Variants in PIK3AP1 observed in about 807,000 individuals in gnomAD.
PIK3AP1 encodes phosphoinositide 3-kinase adapter protein 1.
A neutral mutation model predicts 88.1 loss-of-function variants in PIK3AP1; 21 were observed. That is an observed-to-expected ratio of 0.24 (90% CI 0.17 to 0.34). The LOEUF (loss-of-function observed/expected upper bound fraction) is 0.34, where lower values mean the gene tolerates loss of function less well. Among genes scored for constraint, PIK3AP1 ranks in the 10% least tolerant of loss-of-function variants. The probability of loss-of-function intolerance (pLI) is 1.00; values close to 1 mark genes in which losing one functional copy is unlikely to be tolerated. For synonymous variants in PIK3AP1, 398 were observed against 400.0 expected, an observed-to-expected ratio of 1.00 and a Z score of 0.06; for missense variants, 828 against 1,035.7, an observed-to-expected ratio of 0.80 and a Z score of 2.75.
At chr10:96,714,394 G>A (rs1203300284) in intron 1 of PIK3AP1, among the ~76,000 whole-genome samples, 3 of 152,212 alleles carry the variant, frequency 2.0e-5, no homozygotes, top group Non-Finnish European at 4.4e-5. Flanking sequence ...TGCTGCCCAA[G>A]TGCACATTGT....
At chr10:96,710,150 T>C (rs1349866158) in intron 1 of PIK3AP1, among the ~76,000 whole-genome samples, 167 bp from the exon 2 acceptor site, 1 of 152,110 alleles carries the variant, frequency 6.6e-6, no homozygotes. Context: ...CTTTCCCCAT[T>C]TACAGTCTGT....
At chr10:96,666,362 T>A (rs376276664) in intron 2 of PIK3AP1, among the ~76,000 whole-genome samples, 2 of 152,012 alleles carry the variant, frequency 1.3e-5, no homozygotes, top group African/African-American at 4.8e-5. Context: ...GAGCTTGCAG[T>A]GAGCCGAGAT....
In PIK3AP1 at chr10:96,709,702, C is replaced by T. The variant is rs540868181; in HGVS notation, c.295G>A (p.Val99Ile). ...QRAFHPPHRV[V>I]RLLCGVRDSE... ...TCCCGCACGCCGCAGAGCAGCCTGACCACGCGGTGCGGAGGATGGAAAGCT... is the reference window on the plus strand; with the variant it reads ...TCCCGCACGCCGCAGAGCAGCCTGATCACGCGGTGCGGAGGATGGAAAGCT... The change falls in exon 2 of 17, where the codon GTC (valine) becomes ATC (isoleucine). Residue 99 changes from valine to isoleucine, a missense_variant. Val to Ile is a conservative substitution (Grantham distance 29, BLOSUM62 3). Around this residue, in one of 3 missense-constraint regions of PIK3AP1, gnomAD observed 610 missense variants for 760.1 expected, o/e 0.80. Coordinates refer to ENST00000339364, the MANE Select transcript of PIK3AP1 (RefSeq NM_152309.3). 14 of 1,614,248 alleles carry T rather than the reference C, an allele frequency of 8.7e-6. No homozygotes were observed. In the South Asian group the frequency reaches 1.4e-4, roughly 16 times the overall value.
At chr10:96,644,210 G>A (rs1028852302) in intron 8 of PIK3AP1, among the ~76,000 whole-genome samples, 1 of 152,190 alleles carries the variant, frequency 6.6e-6, no homozygotes, top group African/African-American at 2.4e-5. Context: ...AAGGACCCTA[G>A]ACATCCTGCT....
chr10:96,678,001 T>C (rs1843948578), intron 2 of PIK3AP1, among the ~76,000 whole-genome samples: 1 of 152,186 alleles, frequency 6.6e-6, no homozygotes, highest in African/African-American at 2.4e-5. Flanking sequence ...GCTTGCTCTA[T>C]TGCCAAAACT....
chr10:96,604,218 G>A (rs1291952161), intron 14 of PIK3AP1, among the ~76,000 whole-genome samples, 169 bp from the exon 15 acceptor site: 2 of 152,070 alleles, frequency 1.3e-5, no homozygotes, highest in African/African-American at 4.8e-5. Context: ...TAGAGACAAG[G>A]TCTTGCTGGA....
At chr10:96,609,639 GT>G in intron 14 of PIK3AP1, 72 bp downstream of exon 14, 3 of 1,514,746 alleles carry the variant, frequency 2.0e-6, no homozygotes, top group Non-Finnish European at 2.7e-6. Flanking sequence ...TTAAGAGGAT[GT>G]TTCCTAAGGT....
chr10:96,663,119 G>A (rs943254995), intron 2 of PIK3AP1, among the ~76,000 whole-genome samples: 2 of 152,022 alleles, frequency 1.3e-5, no homozygotes, highest in South Asian at 2.1e-4. Flanking sequence ...TAGATTAGTG[G>A]TTGCTTTGGG....
chr10:96,648,982 G>A lies in PIK3AP1; in HGVS notation c.989-127C>T, dbSNP rs1843499167. 1.8e-5 allele frequency: 13 copies of A among 727,482 alleles called. No individual in the cohort carries two copies. In the East Asian group the frequency reaches 4.2e-4, roughly 23 times the overall value. The allele number at this position is 727,482 out of a possible 1,614,324, so 45.1% of individuals were successfully genotyped here. On this transcript the variant is annotated intron_variant, in intron 6 of 16. Transcript: ENST00000339364. ...AGCACTCAGCCATTACTTATTGATTGACTGACCTAACATCTAACAGCTTCC... is the reference window on the plus strand; with the variant it reads ...AGCACTCAGCCATTACTTATTGATTAACTGACCTAACATCTAACAGCTTCC...
rs1473443089 is a variant in PIK3AP1 at position 96,615,129 on chromosome 10, C to T, written c.2014+1510G>A. Reference sequence around the variant, plus strand: ...GGGAAAGGCAGGGGAATGGCAAGTGCACAGGCCCTGAGGGAGAAATGCTCT... The same window carrying T: ...GGGAAAGGCAGGGGAATGGCAAGTGTACAGGCCCTGAGGGAGAAATGCTCT... On this transcript the variant is annotated intron_variant, in intron 13 of 16. Transcript: ENST00000339364. Among the ~76,000 whole-genome samples, 3 of 152,128 alleles carry T rather than the reference C, an allele frequency of 2.0e-5. No homozygotes were observed. In the East Asian group the frequency reaches 5.8e-4, roughly 29 times the overall value.
At position 96,709,655 on chromosome 10, in the gene PIK3AP1, G is replaced by A; in HGVS notation, c.342C>T (p.Phe114=). 6.2e-7 allele frequency: 1 copy of A among 1,614,264 alleles called. No homozygotes were observed. Among genetic ancestry groups the A allele is most frequent in the Non-Finnish European group, 8.5e-7 (1 of 1,180,044 alleles). The change falls in exon 2 of 17, where the codon TTC becomes TTT. Residue 114 remains phenylalanine, a synonymous_variant. Coordinates refer to ENST00000339364, the MANE Select transcript of PIK3AP1 (RefSeq NM_152309.3). ...CCTGCCAATGGGCCCAATCTGGAAA[G>A]AAGTCTAGGAACTCCTCGCTGTCCC... is the stretch of plus-strand genomic sequence containing the variant. ...GVRDSEEFLD[F]FPDWAHWQEL...
At chr10:96,711,357 T>C (rs1564992359) in intron 1 of PIK3AP1, among the ~76,000 whole-genome samples, 2 of 152,242 alleles carry the variant, frequency 1.3e-5, no homozygotes. Context: ...TTAATGTAAC[T>C]GTTACCACTG....
At chr10:96,660,088 C>T (rs896076353) in intron 2 of PIK3AP1, among the ~76,000 whole-genome samples, 1 of 151,850 alleles carries the variant, frequency 6.6e-6, no homozygotes, top group Non-Finnish European at 1.5e-5. Flanking sequence ...GGCTTCATTC[C>T]CATAAAAACT....
At chr10:96,687,924 T>A (rs1383152379) in intron 2 of PIK3AP1, among the ~76,000 whole-genome samples, 1 of 152,160 alleles carries the variant, frequency 6.6e-6, no homozygotes, top group African/African-American at 2.4e-5. Flanking sequence ...TGGAGTGGCA[T>A]CTGGGTAGGC....
intron 2 of PIK3AP1, among the ~76,000 whole-genome samples, chr10:96,690,626 G>A (rs190987922): frequency 1.3e-5 from 2 of 152,096 alleles, no homozygotes; most frequent in African/African-American, 2.4e-5. Context: ...TGTCCAGATC[G>A]CTCATCTTTG....
chr10:96,652,874 C>T (rs1369040273), intron 3 of PIK3AP1, 32 bp from the exon 4 acceptor site: 7 of 1,606,054 alleles, frequency 4.4e-6, no homozygotes, highest in Admixed American at 3.3e-5. Flanking sequence ...TGTCCCCTCT[C>T]CCTCTCAGAT....
intron 2 of PIK3AP1, among the ~76,000 whole-genome samples, chr10:96,662,887 T>C (rs1296962763): frequency 1.7e-4 from 1 of 5,764 alleles, no homozygotes; most frequent in Non-Finnish European, 2.5e-4. Flanking sequence ...AGACTCCGTC[T>C]CAAAAAAAAA....
At chr10:96,606,061 C>T (rs773910042) in intron 14 of PIK3AP1, among the ~76,000 whole-genome samples, 3 of 152,116 alleles carry the variant, frequency 2.0e-5, no homozygotes, top group African/African-American at 4.8e-5. Context: ...TCAGCCTGGG[C>T]GACAGAGTGA....
intron 2 of PIK3AP1, among the ~76,000 whole-genome samples, chr10:96,663,624 C>G (rs1166662810): frequency 3.6e-5 from 3 of 84,456 alleles, no homozygotes; most frequent in African/African-American, 1.1e-4. Context: ...AGTGAGACTC[C>G]GTCAAAAAAA....
Sources: gnomAD v4.1 joint callset for allele counts (sites outside exome capture counted in the v4.1 genomes callset) on GRCh38, gnomAD v4.1.1 for gene constraint, gnomAD v4.1.1 regional missense constraint, MANE v1.5 for transcripts, NCBI Gene and HGNC (gene_info 2026-07-23, HGNC 2026-07-21) for gene names.